SLC45A4: variants seen among roughly 807,000 people sequenced by gnomAD.
SLC45A4 encodes polyamine-transporter SLC45A4.
Under a neutral mutation model 63.7 loss-of-function variants are expected in SLC45A4, and 32 were observed. The observed-to-expected ratio is 0.50, with a 90% CI of 0.38 to 0.67. The LOEUF (loss-of-function observed/expected upper bound fraction) is 0.67, where lower values mean the gene tolerates loss of function less well. Ranked by LOEUF, SLC45A4 falls within the 30% of genes least tolerant of loss-of-function variation. SLC45A4 has a pLI of 0.00. For synonymous variants in SLC45A4, 535 were observed against 510.0 expected (o/e 1.05, Z -0.66); for missense variants, 1,027 against 1,157.7 (o/e 0.89, Z 1.64).
intron 5 of SLC45A4, 35 bp downstream of exon 5, chr8:141,217,976 A>T: frequency 6.6e-7 from 1 of 1,525,986 alleles, no homozygotes; most frequent in South Asian, 1.2e-5. Flanking sequence ...AGGTGGGCAG[A>T]GAGAGCGGCC....
At position 141,210,919 on chromosome 8, in the gene SLC45A4, G is replaced by A. The variant is rs117461638; in HGVS notation, c.*653C>T. 3.7e-4 allele frequency: 57 copies of A among 152,810 alleles called. No homozygotes were observed. Among genetic ancestry groups the A allele is most frequent in the Non-Finnish European group, 6.4e-4 (44 of 68,246 alleles). The allele number at this position is 152,810 out of a possible 1,614,324, so 9.5% of individuals were successfully genotyped here. ...TTCCAAATAGCTGCAGTACTTGCCC[G>A]AGTTTTGCTTATTCGTTGAAACCAG... On this transcript the variant is annotated 3_prime_UTR_variant, in exon 9 of 9. Transcript: ENST00000517878.
In SLC45A4 at chr8:141,308,205, G is replaced by A. The variant is rs975101945; in HGVS notation, c.-510C>T. On this transcript the variant is annotated 5_prime_UTR_variant, in exon 1 of 9. Transcript: ENST00000517878. Reference sequence around the variant, plus strand: ...GCACCGGGGTCGGGAGGCGGCTGCGGGTCCGGGCGGGGGCTGCTCCCTCGG... The same window carrying A: ...GCACCGGGGTCGGGAGGCGGCTGCGAGTCCGGGCGGGGGCTGCTCCCTCGG... The A allele has an allele frequency of 2.7e-5, 4 of 147,678 alleles. No individual in the cohort carries two copies. Among genetic ancestry groups the A allele is most frequent in the African/African-American group, 9.8e-5 (4 of 40,864 alleles). 9.1% of individuals were successfully genotyped at this position (147,678 alleles called of 1,614,324 possible).
chr8:141,292,523 C>A (rs1032060813), intron 1 of SLC45A4, among the ~76,000 whole-genome samples: 1 of 152,362 alleles, frequency 6.6e-6, no homozygotes, highest in East Asian at 1.9e-4. Flanking sequence ...GCGGCCCGCT[C>A]CTGCACCCCT....
chr8:141,211,269 G>C lies in SLC45A4; in HGVS notation c.*303C>G. On this transcript the variant is annotated 3_prime_UTR_variant, in exon 9 of 9. Coordinates refer to ENST00000517878, the MANE Select transcript of SLC45A4 (RefSeq NM_001286646.2). ...TCCCCCTGACGTTGGGAGCGGTCTG[G>C]AGGGGCAACCTGGCCTCCTAGGAGA... 1.7e-6 allele frequency: 1 copy of C among 589,996 alleles called. No individual in the cohort carries two copies. The highest frequency in any genetic ancestry group is 2.7e-6 in the Non-Finnish European group (1 of 372,148). 36.5% of individuals were successfully genotyped at this position (589,996 alleles called of 1,614,324 possible). A position where few individuals can be genotyped will look rare whatever the true frequency, so the allele number is the denominator to read the frequency against.
intron 1 of SLC45A4, among the ~76,000 whole-genome samples, chr8:141,291,474 A>C (rs1290575520): frequency 6.6e-6 from 1 of 152,200 alleles, no homozygotes; most frequent in Non-Finnish European, 1.5e-5. Context: ...AAAACAAAAA[A>C]GGGGGGGCAA....
intron 1 of SLC45A4, among the ~76,000 whole-genome samples, chr8:141,300,911 C>T (rs1830721358): frequency 1.3e-5 from 2 of 152,236 alleles, no homozygotes; most frequent in African/African-American, 2.4e-5. Context: ...CCCCGTGACT[C>T]GACGAAGTGG....
At chr8:141,296,479 A>G (rs1830554354) in intron 1 of SLC45A4, among the ~76,000 whole-genome samples, 1 of 147,726 alleles carries the variant, frequency 6.8e-6, no homozygotes, top group Admixed American at 6.9e-5. Flanking sequence ...AGCCTGGGTG[A>G]CAGAGCAAGA....
intron 2 of SLC45A4, among the ~76,000 whole-genome samples, chr8:141,232,824 G>C (rs1273247143): frequency 6.6e-6 from 1 of 152,234 alleles, no homozygotes; most frequent in Non-Finnish European, 1.5e-5. Flanking sequence ...GCTGCAACGG[G>C]AACACACGCA....
chr8:141,276,617 C>T (rs1829736355), intron 1 of SLC45A4, among the ~76,000 whole-genome samples: 1 of 152,120 alleles, frequency 6.6e-6, no homozygotes, highest in Admixed American at 6.5e-5. Flanking sequence ...CGGACTCTGC[C>T]CCAGTGTCGC....
At chr8:141,293,954 T>TAA (rs893837700) in intron 1 of SLC45A4, among the ~76,000 whole-genome samples, 1 of 136,578 alleles carries the variant, frequency 7.3e-6, no homozygotes, top group African/African-American at 2.7e-5. Context: ...AAAGTAAATG[T>TAA]AAAAAAAAAA....
chr8:141,215,919 T>G lies in SLC45A4; in HGVS notation c.1781A>C (p.Tyr594Ser). The G allele has an allele frequency of 6.2e-7, 1 of 1,614,112 alleles. No individual in the cohort carries two copies. Among genetic ancestry groups the G allele is most frequent in the South Asian group, 1.1e-5 (1 of 91,084 alleles). ...AGAGAAGCCCAGCGTCCCCAGCACG[T>G]AGATCACCCTGACGCTCAGGTCGTA... is the stretch of plus-strand genomic sequence containing the variant. ...DNYDLSVRVI[Y>S]VLGTLGFSVG... Residue 594 changes from tyrosine (Y) to serine (S), a missense_variant, in exon 7 of 9, where the codon TAC becomes TCC. Tyr to Ser is a moderately radical substitution (Grantham distance 144, BLOSUM62 -2). Transcript: ENST00000517878. The surrounding 1 kb of genome is among the most constrained non-coding windows in gnomAD (Gnocchi z 4.3).
In SLC45A4 at chr8:141,278,674, T is replaced by C. The variant is rs916583359; in HGVS notation, c.-400-24045A>G. Among the ~76,000 whole-genome samples, 1 of 152,112 alleles carries C rather than the reference T, an allele frequency of 6.6e-6. No individual in the cohort carries two copies. The highest frequency in any genetic ancestry group is 1.9e-4 in the East Asian group (1 of 5,172). ...AGCACAGGCAAGCAAGTGGAGGAAA[T>C]AGAGGAACTGTGAGTGAGCAGAAAA... On this transcript the variant is annotated intron_variant, in intron 1 of 8. Transcript: ENST00000517878. The surrounding 1 kb of genome is among the most constrained non-coding windows in gnomAD (Gnocchi z 4.1).
At position 141,219,796 on chromosome 8, in the gene SLC45A4, GGCT is replaced by G; in HGVS notation, c.461_463del (p.Gln154del). 1 of 1,591,874 alleles carries G rather than the reference GGCT, an allele frequency of 6.3e-7. No homozygotes were observed. The highest frequency in any genetic ancestry group is 8.5e-7 in the Non-Finnish European group (1 of 1,170,136). ...CAGCACCGTGAGCACGATGCCAATG[GGCT>G]GCCGGTTGGGGACATCGCCGAGGGC... On this transcript the variant is annotated inframe_deletion, in exon 4 of 9. Coordinates refer to ENST00000517878, the MANE Select transcript of SLC45A4 (RefSeq NM_001286646.2).
At position 141,229,826 on chromosome 8, in the gene SLC45A4, G is replaced by A. The variant is rs557463440; in HGVS notation, c.242-8061C>T. ...TTGCAGCCCACCCCACTCTGGCTGCGGGACTTTGGAGCAGCTTGGGCTTTG... is the reference window on the plus strand; with the variant it reads ...TTGCAGCCCACCCCACTCTGGCTGCAGGACTTTGGAGCAGCTTGGGCTTTG... On this transcript the variant is annotated intron_variant, in intron 2 of 8. Coordinates refer to ENST00000517878, the MANE Select transcript of SLC45A4 (RefSeq NM_001286646.2). The surrounding 1 kb of genome is among the most constrained non-coding windows in gnomAD (Gnocchi z 5.0). Among the ~76,000 whole-genome samples the A allele has an allele frequency of 1.0e-3, 155 of 152,302 alleles. No homozygotes were observed. The highest frequency in any genetic ancestry group is 3.4e-3 in the African/African-American group (140 of 41,578).
chr8:141,293,699 G>A (rs1371593006), intron 1 of SLC45A4, among the ~76,000 whole-genome samples: 7 of 152,126 alleles, frequency 4.6e-5, no homozygotes, highest in African/African-American at 1.4e-4. Context: ...TTGGGAGGCC[G>A]AGGCGGGCAG....
chr8:141,211,915 T>C (rs1825842943), intron 8 of SLC45A4: 1 of 1,248,716 alleles, frequency 8.0e-7, no homozygotes, highest in Non-Finnish European at 1.0e-6. Context: ...ATAAAAGAGC[T>C]GAAATTAAAA....
At chr8:141,219,068 C>G (rs781551549) in intron 4 of SLC45A4, 39 bp from the exon 5 acceptor site, 3 of 1,584,452 alleles carry the variant, frequency 1.9e-6, no homozygotes, top group Admixed American at 3.4e-5. Flanking sequence ...GCCGGTGGCA[C>G]CAGGCCACAG....
At chr8:141,288,081 G>A (rs917941438) in intron 1 of SLC45A4, among the ~76,000 whole-genome samples, 2 of 152,194 alleles carry the variant, frequency 1.3e-5, no homozygotes, top group African/African-American at 4.8e-5. Context: ...GGAGGCTGAC[G>A]TGGGAGGATC....
chr8:141,303,632 G>A (rs1830815222), intron 1 of SLC45A4, among the ~76,000 whole-genome samples: 1 of 152,142 alleles, frequency 6.6e-6, no homozygotes, highest in South Asian at 2.1e-4. Context: ...GATGGCTCCA[G>A]GATTTCAAGG....
Sources: gnomAD v4.1 joint callset for allele counts (sites outside exome capture counted in the v4.1 genomes callset) on GRCh38, gnomAD v4.1.1 for gene constraint, Gnocchi (gnomAD v3.1) non-coding constraint, MANE v1.5 for transcripts, NCBI Gene and HGNC (gene_info 2026-07-23, HGNC 2026-07-21) for gene names.